The following TMTC1 variants were observed in gnomAD, a reference collection of about 807,000 sequenced individuals.
TMTC1 encodes the protein transmembrane O-mannosyltransferase targeting cadherins 1, also known as protein O-mannosyl-transferase TMTC1.
Under a neutral mutation model 104.8 loss-of-function variants are expected in TMTC1, and 73 were observed. The observed-to-expected ratio is 0.70, with a 90% CI of 0.58 to 0.85. The LOEUF (loss-of-function observed/expected upper bound fraction) is 0.85, where lower values mean the gene tolerates loss of function less well. Ranked by LOEUF, TMTC1 falls within the 40% of genes least tolerant of loss-of-function variation. TMTC1 has a pLI of 0.00. For missense variants in TMTC1, 1,035 were observed against 1,096.1 expected (o/e 0.94, Z 0.79); for synonymous variants, 434 against 428.7 (o/e 1.01, Z -0.15).
At chr12:29,755,974 A>G in intron 3 of TMTC1, 89 bp from the exon 4 acceptor site, 4 of 1,271,320 alleles carry the variant, frequency 3.1e-6, no homozygotes, top group South Asian at 3.0e-5. Context: ...TCTAATGTCA[A>G]TTTCATTGCA....
At chr12:29,546,417 G>A (rs923774729) in intron 10 of TMTC1, among the ~76,000 whole-genome samples, 1 of 152,158 alleles carries the variant, frequency 6.6e-6, no homozygotes, top group Non-Finnish European at 1.5e-5. Context: ...TGGGAGGGAG[G>A]TTGGCAGAAT....
At chr12:29,662,196 T>A (rs1940061586) in intron 5 of TMTC1, among the ~76,000 whole-genome samples, 1 of 152,200 alleles carries the variant, frequency 6.6e-6, no homozygotes, top group Non-Finnish European at 1.5e-5. Flanking sequence ...TTCTCCTTTT[T>A]AAATCCAATT....
intron 2 of TMTC1, among the ~76,000 whole-genome samples, chr12:29,758,988 A>G (rs1943279922): frequency 6.6e-6 from 1 of 152,202 alleles, no homozygotes; most frequent in African/African-American, 2.4e-5. Flanking sequence ...AAAAAAGAGG[A>G]TGGACGGAAG....
chr12:29,733,629 A>C (rs1384235128), intron 5 of TMTC1, among the ~76,000 whole-genome samples: 1 of 152,150 alleles, frequency 6.6e-6, no homozygotes, highest in Non-Finnish European at 1.5e-5. Flanking sequence ...TTTTGATAAA[A>C]ATTTCCATCT....
chr12:29,605,571 TAA>T (rs34353381), intron 6 of TMTC1, among the ~76,000 whole-genome samples: 54 of 101,856 alleles, frequency 5.3e-4, no homozygotes, highest in South Asian at 1.3e-3. Flanking sequence ...CCAAAAAGGG[TAA>T]AAAAAAAAAA....
chr12:29,691,986 A>G (rs1169273687), intron 5 of TMTC1, among the ~76,000 whole-genome samples: 2 of 145,142 alleles, frequency 1.4e-5, no homozygotes, highest in African/African-American at 5.0e-5. Flanking sequence ...TGTAGAGACT[A>G]GACAAGTGTA....
rs142259502 is a variant in TMTC1 at position 29,563,952 on chromosome 12, T to G, written c.1533-6952A>C. On this transcript the variant is annotated intron_variant, in intron 9 of 17. Coordinates refer to ENST00000539277, the MANE Select transcript of TMTC1 (RefSeq NM_001193451.2). ...AGGACGAGGGCAAATGAGAGGCGCC[T>G]GAGACATTCACCAAGGTTTTTCCAG... Among the ~76,000 whole-genome samples the G allele has an allele frequency of 2.0e-5, 3 of 152,112 alleles. No individual in the cohort carries two copies. The East Asian group carries it at 5.8e-4, about 29-fold the overall frequency.
intron 5 of TMTC1, among the ~76,000 whole-genome samples, chr12:29,709,005 G>T (rs1457554884): frequency 1.3e-5 from 2 of 152,102 alleles, no homozygotes; most frequent in African/African-American, 4.8e-5. Context: ...TACAACGAGA[G>T]AAAAATCACC....
chr12:29,635,591 C>T (rs1938510746), intron 5 of TMTC1, among the ~76,000 whole-genome samples: 1 of 152,172 alleles, frequency 6.6e-6, no homozygotes. Context: ...CTAGAACTGA[C>T]TAATCAACTT....
intron 2 of TMTC1, among the ~76,000 whole-genome samples, chr12:29,763,291 C>T (rs1298774237): frequency 3.3e-5 from 5 of 152,166 alleles, no homozygotes; most frequent in Non-Finnish European, 7.4e-5. Flanking sequence ...TCTTGCCAGT[C>T]CAAACCACTA....
intron 5 of TMTC1, among the ~76,000 whole-genome samples, chr12:29,706,186 G>T (rs954749778): frequency 6.6e-6 from 1 of 152,148 alleles, no homozygotes; most frequent in Admixed American, 6.5e-5. Flanking sequence ...AGGCTACCAA[G>T]TTCAGACAGA....
At chr12:29,720,813 A>G (rs766953486) in intron 5 of TMTC1, among the ~76,000 whole-genome samples, 1 of 152,192 alleles carries the variant, frequency 6.6e-6, no homozygotes, top group Admixed American at 6.5e-5. Context: ...GATTCCTAAC[A>G]TATCCCAAGC....
At chr12:29,770,998 G>A (rs559839076) in intron 1 of TMTC1, among the ~76,000 whole-genome samples, 3 of 152,092 alleles carry the variant, frequency 2.0e-5, no homozygotes, top group Non-Finnish European at 4.4e-5. Context: ...CTGCAAACAA[G>A]ACAGCCTAAG....
intron 5 of TMTC1, among the ~76,000 whole-genome samples, chr12:29,687,389 A>G (rs1207310166): frequency 6.6e-6 from 1 of 152,232 alleles, no homozygotes; most frequent in African/African-American, 2.4e-5. Flanking sequence ...GCAACATTTT[A>G]TAGAATTGCT....
chr12:29,560,974 C>T (rs1945362368), intron 9 of TMTC1, among the ~76,000 whole-genome samples: 1 of 152,128 alleles, frequency 6.6e-6, no homozygotes, highest in African/African-American at 2.4e-5. Context: ...CTGTCTCAGA[C>T]ATTGTCTCAT....
chr12:29,644,177 C>A, intron 5 of TMTC1, among the ~76,000 whole-genome samples: 1 of 135,512 alleles, frequency 7.4e-6, no homozygotes, highest in African/African-American at 2.8e-5. Flanking sequence ...AAATACTAAA[C>A]AGCCATAAAA....
At chr12:29,591,385 G>C (rs1946277511) in intron 7 of TMTC1, among the ~76,000 whole-genome samples, 1 of 152,124 alleles carries the variant, frequency 6.6e-6, no homozygotes, top group African/African-American at 2.4e-5. Context: ...AGTCCGGCTT[G>C]CTCTGGTCAG....
chr12:29,579,975 A>T, intron 8 of TMTC1, among the ~76,000 whole-genome samples: 1 of 152,146 alleles, frequency 6.6e-6, no homozygotes, highest in East Asian at 1.9e-4. Flanking sequence ...TAGACAATTT[A>T]CCCTGTCCAC....
chr12:29,722,394 T>C lies in TMTC1; in HGVS notation c.938+29272A>G, dbSNP rs1274166211. 7.8e-4 allele frequency among the ~76,000 whole-genome samples: 119 copies of C among 152,322 alleles called. 2 individuals are homozygous for C. The highest frequency in any genetic ancestry group is 1.3e-4 in the Non-Finnish European group (9 of 68,026). On this transcript the variant is annotated intron_variant, in intron 5 of 17. Transcript: ENST00000539277. Reference sequence around the variant, plus strand: ...AAGATTTATATGTTAAAAGCCGTACTCTGTGATGACAATGAAATTACTTGG... The same window carrying C: ...AAGATTTATATGTTAAAAGCCGTACCCTGTGATGACAATGAAATTACTTGG...
Sources: allele counts gnomAD v4.1 joint callset (sites outside exome capture counted in the v4.1 genomes callset), GRCh38; gene constraint gnomAD v4.1.1; transcripts MANE v1.5; gene names NCBI Gene and HGNC (gene_info 2026-07-23, HGNC 2026-07-21).